NME7: variants seen among roughly 807,000 people sequenced by gnomAD.
NME7 encodes the protein NME/NM23 family member 7.
NME7 carries 41 observed loss-of-function variants against 49.1 expected under a neutral mutation model. The observed-to-expected ratio is 0.83, with a 90% CI of 0.65 to 1.08. The LOEUF (loss-of-function observed/expected upper bound fraction) is 1.08. Ranked by LOEUF, NME7 falls within the 50% of genes least tolerant of loss-of-function variation. The pLI is 0.00. For missense variants in NME7, 423 were observed against 463.4 expected (o/e 0.91, Z 0.80); for synonymous variants, 139 against 150.6 (o/e 0.92, Z 0.56).
intron 4 of NME7, among the ~76,000 whole-genome samples, chr1:169,303,781 C>T (rs1370706454): frequency 6.6e-6 from 1 of 152,072 alleles, no homozygotes; most frequent in Non-Finnish European, 1.5e-5. Flanking sequence ...GCATCCTGAA[C>T]GTTCTAGAAA....
intron 7 of NME7, among the ~76,000 whole-genome samples, chr1:169,278,374 C>G (rs1558019116): frequency 1.3e-5 from 2 of 152,128 alleles, no homozygotes; most frequent in Non-Finnish European, 2.9e-5. Context: ...TTCTTGGAGG[C>G]TTTGTTTGTT....
chr1:169,297,748 G>A (rs1173440475), intron 6 of NME7, among the ~76,000 whole-genome samples: 1 of 152,150 alleles, frequency 6.6e-6, no homozygotes, highest in African/African-American at 2.4e-5. Flanking sequence ...AAAGATCACT[G>A]GGCATAGCTG....
At chr1:169,148,338 C>T (rs982074393) in intron 11 of NME7, among the ~76,000 whole-genome samples, 1 of 152,140 alleles carries the variant, frequency 6.6e-6, no homozygotes, top group African/African-American at 2.4e-5. Flanking sequence ...CCTGCAAAAC[C>T]TTCTCAATAC....
intron 1 of NME7, among the ~76,000 whole-genome samples, chr1:169,367,452 T>G (rs1012178373): frequency 6.6e-6 from 1 of 152,102 alleles, no homozygotes; most frequent in African/African-American, 2.4e-5. Flanking sequence ...TCAAAACAGG[T>G]TATTAGACTC....
At chr1:169,352,443 G>A (rs1653212734) in intron 1 of NME7, among the ~76,000 whole-genome samples, 1 of 151,956 alleles carries the variant, frequency 6.6e-6, no homozygotes, top group African/African-American at 2.4e-5. Flanking sequence ...CATAATAAAA[G>A]CCATATATGA....
In NME7 at chr1:169,230,765, T is replaced by G; in HGVS notation, c.943A>C (p.Asn315His). The G allele has an allele frequency of 6.2e-7, 1 of 1,608,224 alleles. No individual in the cohort carries two copies. Residue 315 changes from asparagine to histidine, a missense_variant, in exon 10 of 12, where the codon AAT (asparagine) becomes CAT (histidine). By Grantham distance (68) the Asn-to-His change is moderately conservative. Coordinates refer to ENST00000367811, the MANE Select transcript of NME7 (RefSeq NM_013330.5). ...TCTCGAAATGTCTTTGTAGCATTAT[T>G]CTGTTGAATCTCCATTGCTACACAA... ...GPCVAMEIQQNNATKTFREFC... is the reference protein window; with the variant it reads ...GPCVAMEIQQHNATKTFREFC...
chr1:169,281,724 T>C (rs1016818092), intron 7 of NME7, among the ~76,000 whole-genome samples: 2 of 152,176 alleles, frequency 1.3e-5, no homozygotes, highest in African/African-American at 4.8e-5. Context: ...TTTTTGTCAT[T>C]GGTTTTGTTT....
At chr1:169,327,615 C>T (rs968452500) in intron 1 of NME7, among the ~76,000 whole-genome samples, 1 of 152,068 alleles carries the variant, frequency 6.6e-6, no homozygotes. Context: ...GTAACGTAAA[C>T]AATTTTTACA....
intron 7 of NME7, chr1:169,283,943 A>T (rs1225414263): frequency 6.6e-6 from 1 of 151,992 alleles, no homozygotes; most frequent in Non-Finnish European, 1.5e-5. Context: ...GCTCTTCTCG[A>T]GGAGCATCTT....
chr1:169,181,243 G>A (rs202235640), intron 10 of NME7, among the ~76,000 whole-genome samples: 1 of 151,670 alleles, frequency 6.6e-6, no homozygotes, highest in East Asian at 1.9e-4. Flanking sequence ...CATTGCCAAT[G>A]TTCGTCATTA....
rs183197332 is a variant in NME7 at position 169,202,698 on chromosome 1, A to G, written c.990+28020T>C. 9.9e-4 allele frequency among the ~76,000 whole-genome samples: 151 copies of G among 152,236 alleles called. No homozygotes were observed. The Middle Eastern group carries it at 0.02, about 21-fold the overall frequency. On this transcript the variant is annotated intron_variant, in intron 10 of 11. Transcript: ENST00000367811. The stretch of plus-strand genomic sequence containing the variant: ...TTAATAACTTTGAAAAGGAGAGCTT[A>G]TTTCTCATTAAGGGTTGTAGTCTGA...
At chr1:169,330,421 T>C (rs572840288) in intron 1 of NME7, among the ~76,000 whole-genome samples, 1 of 152,188 alleles carries the variant, frequency 6.6e-6, no homozygotes, top group Non-Finnish European at 1.5e-5. Context: ...GGATCACACC[T>C]GTAATCCCAG....
intron 7 of NME7, among the ~76,000 whole-genome samples, chr1:169,282,162 C>G (rs536842656): frequency 2.0e-5 from 3 of 152,266 alleles, no homozygotes; most frequent in Admixed American, 2.0e-4. Flanking sequence ...CTACTTCTTC[C>G]TGGCTTAGAC....
chr1:169,365,530 T>C (rs1249490175), intron 1 of NME7, among the ~76,000 whole-genome samples: 2 of 151,996 alleles, frequency 1.3e-5, no homozygotes, highest in African/African-American at 4.8e-5. Context: ...GTATGTTCAA[T>C]GAAAAGCAAG....
At chr1:169,225,086 A>C (rs1647273686) in intron 10 of NME7, among the ~76,000 whole-genome samples, 1 of 152,158 alleles carries the variant, frequency 6.6e-6, no homozygotes, top group Non-Finnish European at 1.5e-5. Context: ...TTAAGGAAGA[A>C]TAAATAGTGT....
intron 7 of NME7, among the ~76,000 whole-genome samples, chr1:169,267,323 C>T (rs962066967): frequency 7.5e-6 from 1 of 133,270 alleles, no homozygotes; most frequent in African/African-American, 2.5e-5. Flanking sequence ...GAATCAATAT[C>T]ATTAAAATGG....
chr1:169,253,900 C>T (rs1467113101), intron 7 of NME7, among the ~76,000 whole-genome samples: 2 of 150,110 alleles, frequency 1.3e-5, no homozygotes, highest in Non-Finnish European at 3.0e-5. Context: ...GCCTTGCATC[C>T]CAGGGATGAA....
intron 7 of NME7, among the ~76,000 whole-genome samples, chr1:169,278,513 C>G (rs947360151): frequency 6.6e-6 from 1 of 152,128 alleles, no homozygotes; most frequent in Non-Finnish European, 1.5e-5. Context: ...TCACGTAGTT[C>G]TCGAGCTTTG....
chr1:169,279,113 GT>G (rs1649886019), intron 7 of NME7, among the ~76,000 whole-genome samples: 1 of 152,202 alleles, frequency 6.6e-6, no homozygotes, highest in Non-Finnish European at 1.5e-5. Context: ...GTGCCTCCCA[GT>G]TAGGCTGCTT....
Sources: gnomAD v4.1 joint callset for allele counts (sites outside exome capture counted in the v4.1 genomes callset) on GRCh38, gnomAD v4.1.1 for gene constraint, MANE v1.5 for transcripts, NCBI Gene and HGNC (gene_info 2026-07-23, HGNC 2026-07-21) for gene names.